The following SETDB1 variants were observed in gnomAD, a reference collection of about 807,000 sequenced individuals.
The protein encoded by SETDB1 is SET domain bifurcated histone lysine methyltransferase 1.
In SETDB1, 31 loss-of-function variants were observed where a neutral mutation model predicts 137.4. That is an observed-to-expected ratio of 0.23 (90% CI 0.17 to 0.30). The LOEUF is 0.30. SETDB1 is among the 10% of genes least tolerant of loss of function. SETDB1 has a pLI of 1.00. For missense variants in SETDB1, 1,113 were observed against 1,631.5 expected (o/e 0.68, Z 5.47); for synonymous variants, 548 against 579.9 (o/e 0.95, Z 0.79).
At chr1:150,956,951 C>T (rs934894507) in intron 14 of SETDB1, among the ~76,000 whole-genome samples, 5 of 151,834 alleles carry the variant, frequency 3.3e-5, no homozygotes, top group African/African-American at 1.2e-4. Context: ...CTTGTCTCTA[C>T]AAAAAAAGTT....
At chr1:150,961,407 CT>C (rs34200807) in intron 16 of SETDB1, 195,347 of 523,096 alleles carry the variant, frequency 0.37, 38,332 homozygotes, top group South Asian at 0.5. Context: ...AATCCCAACA[CT>C]TTGGGAGGCC....
chr1:150,958,226 C>CTTTTTTTTTTCTTTT (rs1670708657), intron 14 of SETDB1, among the ~76,000 whole-genome samples: 1 of 134,618 alleles, frequency 7.4e-6, no homozygotes, highest in African/African-American at 2.8e-5. Context: ...AAATTATGAC[C>CTTTTTTTTTTCTTTT]TTTTTTTTTT....
chr1:150,960,949 A>G lies in SETDB1; in HGVS notation c.2890A>G (p.Ile964Val), dbSNP rs1382892848. 1.2e-6 allele frequency: 2 copies of G among 1,612,554 alleles called. No individual in the cohort carries two copies. The highest frequency in any genetic ancestry group is 1.7e-6 in the Non-Finnish European group (2 of 1,179,416). The change falls in exon 16 of 22, where the codon ATC (isoleucine) becomes GTC (valine). Residue 964 changes from isoleucine to valine, a missense_variant. Around this residue, in one of 11 missense-constraint regions of SETDB1, gnomAD observed 373 missense variants for 412.7 expected, o/e 0.90. Transcript: ENST00000692827. ...GPPHIPVPPSIPVGGCNPPSS... is the reference protein window; with the variant it reads ...GPPHIPVPPSVPVGGCNPPSS... ...CCCACATATTCCTGTTCCTCCCTCA[A>G]TCCCTGTAGGTGGCTGCAATCCACC...
At chr1:150,954,177 C>T (rs1345595508) in intron 14 of SETDB1, among the ~76,000 whole-genome samples, 1 of 152,076 alleles carries the variant, frequency 6.6e-6, no homozygotes, top group South Asian at 2.1e-4. Context: ...AAAAAATTAG[C>T]CGGGCATGGT....
chr1:150,957,274 A>C (rs1420241718), intron 14 of SETDB1, among the ~76,000 whole-genome samples: 3 of 152,208 alleles, frequency 2.0e-5, no homozygotes, highest in Non-Finnish European at 4.4e-5. Context: ...AGGCTGAGGC[A>C]GGAGAATCGC....
At chr1:150,951,574 ATTGG>A in intron 14 of SETDB1, 93 bp downstream of exon 14, 2 of 670,490 alleles carry the variant, frequency 3.0e-6, no homozygotes, top group Admixed American at 2.8e-5. Flanking sequence ...AAATCTAAAA[ATTGG>A]AACCAAAAAT....
intron 15 of SETDB1, among the ~76,000 whole-genome samples, chr1:150,959,764 G>A (rs752606390): frequency 4.6e-5 from 7 of 152,140 alleles, no homozygotes; most frequent in African/African-American, 7.2e-5. Flanking sequence ...AAGATACAAA[G>A]GGAGGTATTA....
At chr1:150,946,629 G>T (rs1428476325) in intron 9 of SETDB1, among the ~76,000 whole-genome samples, 3 of 152,094 alleles carry the variant, frequency 2.0e-5, no homozygotes, top group Admixed American at 6.6e-5. Flanking sequence ...TGTATTTTTA[G>T]TAGAGACGGG....
In SETDB1 at chr1:150,927,810, A is replaced by G. The variant is rs1669581589; in HGVS notation, c.96A>G (p.Glu32=). 1 of 1,614,040 alleles carries G rather than the reference A, an allele frequency of 6.2e-7. No homozygotes were observed. Among genetic ancestry groups the G allele is most frequent in the African/African-American group, 1.3e-5 (1 of 74,934 alleles). Residue 32 remains glutamate, a synonymous_variant, in exon 2 of 22, where the codon GAA becomes GAG. Coordinates refer to ENST00000692827, the MANE Select transcript of SETDB1 (RefSeq NM_001366418.1). Reference sequence around the variant, plus strand: ...AGCTGCAACAGGCAGTGGTTGAGGAACTGGGTATCTCTATGGAGGAACTTC... The same window carrying G: ...AGCTGCAACAGGCAGTGGTTGAGGAGCTGGGTATCTCTATGGAGGAACTTC... ...IAELQQAVVE[E]LGISMEELRH...
At chr1:150,958,378 A>C (rs1238706951) in intron 14 of SETDB1, among the ~76,000 whole-genome samples, 3 of 151,244 alleles carry the variant, frequency 2.0e-5, no homozygotes, top group Non-Finnish European at 4.4e-5. Context: ...CAGCCTCCCA[A>C]GTAGCTGGGA....
chr1:150,942,446 CAA>C (rs11430191), intron 5 of SETDB1, 115 bp from the exon 6 acceptor site: 5,644 of 660,198 alleles, frequency 8.5e-3, no homozygotes, highest in South Asian at 1.0e-2. Flanking sequence ...GACTCCATCT[CAA>C]AAAAAAAAAA....
intron 3 of SETDB1, among the ~76,000 whole-genome samples, chr1:150,935,101 G>A (rs587759420): frequency 1.8e-4 from 28 of 152,350 alleles, no homozygotes; most frequent in Non-Finnish European, 2.5e-4. Flanking sequence ...GATTACAGGC[G>A]TGAGCCACTG....
chr1:150,964,136 C>T, intron 21 of SETDB1, 53 bp downstream of exon 21: 1 of 1,546,374 alleles, frequency 6.5e-7, no homozygotes, highest in African/African-American at 1.4e-5. Flanking sequence ...CACTGAAGTT[C>T]TAAGGGCCCC....
chr1:150,957,343 A>C lies in SETDB1; in HGVS notation c.2334-1835A>C, dbSNP rs587653839. On this transcript the variant is annotated intron_variant, in intron 14 of 21. Transcript: ENST00000692827. The stretch of plus-strand genomic sequence containing the variant: ...CGAGACTGTGTCTCAAAAAGAAAAA[A>C]CACCACCTGTATTAGGGCAGCTTTA... 2.2e-4 allele frequency among the ~76,000 whole-genome samples: 33 copies of C among 152,268 alleles called. No individual in the cohort carries two copies. In the East Asian group the frequency reaches 3.5e-3, roughly 16 times the overall value.
At position 150,943,016 on chromosome 1, in the gene SETDB1, A is replaced by G. The variant is rs1432910174; in HGVS notation, c.838A>G (p.Ile280Val). 1.2e-6 allele frequency: 2 copies of G among 1,614,158 alleles called. No individual in the cohort carries two copies. The highest frequency in any genetic ancestry group is 1.1e-5 in the South Asian group (1 of 91,082). Residue 280 changes from isoleucine (I) to valine (V), a missense_variant, in exon 7 of 22, where the codon ATT becomes GTT. Physicochemically the swap from Ile to Val is conservative, Grantham distance 29 (BLOSUM62 3). This residue lies in a region of SETDB1 where 154 missense variants were observed against 303.1 expected (regional missense o/e 0.51). Transcript: ENST00000692827. ...GAATCAGGTCTGGCTCTATGCTGGC[A>G]TTGTAGCTGAGACACCAAACGTCAA... The part of the protein sequence containing the change: ...DGNQVWLYAG[I>V]VAETPNVKNK...
chr1:150,959,392 G>A (rs1558026111), intron 15 of SETDB1, 45 bp downstream of exon 15: 1 of 1,485,032 alleles, frequency 6.7e-7, no homozygotes, highest in Non-Finnish European at 9.2e-7. Flanking sequence ...CTGGGACATG[G>A]TAGGGAATTG....
intron 7 of SETDB1, among the ~76,000 whole-genome samples, chr1:150,943,671 G>A (rs891003740): frequency 1.4e-4 from 22 of 152,164 alleles, no homozygotes; most frequent in Non-Finnish European, 2.6e-4. Context: ...AGGAGACTCC[G>A]TCTCAAAAAT....
At chr1:150,934,201 G>A (rs1669873549) in intron 3 of SETDB1, among the ~76,000 whole-genome samples, 1 of 152,022 alleles carries the variant, frequency 6.6e-6, no homozygotes, top group South Asian at 2.1e-4. Context: ...GGCTGGGCGC[G>A]GTGGCTGACG....
At chr1:150,958,128 A>T (rs1361200158) in intron 14 of SETDB1, among the ~76,000 whole-genome samples, 2 of 147,636 alleles carry the variant, frequency 1.4e-5, no homozygotes, top group Non-Finnish European at 1.5e-5. Flanking sequence ...GGAGGTTGTG[A>T]GCTGAGATTG....
Sources: gnomAD v4.1 joint callset for allele counts (sites outside exome capture counted in the v4.1 genomes callset) on GRCh38, gnomAD v4.1.1 for gene constraint, gnomAD v4.1.1 regional missense constraint, MANE v1.5 for transcripts, NCBI Gene and HGNC (gene_info 2026-07-23, HGNC 2026-07-21) for gene names.